The following PPDPFL variants were observed in gnomAD, a reference collection of about 807,000 sequenced individuals.
PPDPFL encodes pancreatic progenitor cell differentiation and proliferation factor-like protein.
In PPDPFL, 12 loss-of-function variants were observed where a neutral mutation model predicts 12.6. That is an observed-to-expected ratio of 0.95 (90% CI 0.61 to 1.54). The LOEUF is 1.54. Ranked by LOEUF, PPDPFL falls within the 40% of genes most tolerant of loss-of-function variation. The probability of loss-of-function intolerance (pLI) is 0.00; values close to 1 mark genes in which losing one functional copy is unlikely to be tolerated. For synonymous variants in PPDPFL, 24 were observed against 32.7 expected, an observed-to-expected ratio of 0.73 and a Z score of 0.91; for missense variants, 114 against 96.0, an observed-to-expected ratio of 1.19 and a Z score of -0.78.
At chr8:49,059,961 C>T (rs941634950) in intron 1 of PPDPFL, among the ~76,000 whole-genome samples, 1 of 152,058 alleles carries the variant, frequency 6.6e-6, no homozygotes, top group Admixed American at 6.6e-5. Flanking sequence ...CCATTCCGGG[C>T]TTTGGACCAT....
intron 1 of PPDPFL, among the ~76,000 whole-genome samples, chr8:49,063,714 A>G (rs1003959566): frequency 6.9e-6 from 1 of 145,464 alleles, no homozygotes; most frequent in Non-Finnish European, 1.5e-5. Context: ...TGAGACCCTG[A>G]AAAAAAAAAG....
At chr8:49,066,906 T>C (rs1808309242) in intron 1 of PPDPFL, among the ~76,000 whole-genome samples, 1 of 152,132 alleles carries the variant, frequency 6.6e-6, no homozygotes. Context: ...TTCATGTACC[T>C]GATGACCCCC....
intron 2 of PPDPFL, among the ~76,000 whole-genome samples, chr8:49,073,219 T>C (rs1808424632): frequency 6.6e-6 from 1 of 152,240 alleles, no homozygotes; most frequent in African/African-American, 2.4e-5. Context: ...ATTATTCAAC[T>C]CCTTAGAAAA....
upstream of PPDPFL, among the ~76,000 whole-genome samples, chr8:49,070,353 C>T (rs545903345): frequency 5.9e-5 from 9 of 152,282 alleles, no homozygotes; most frequent in South Asian, 1.9e-3. Flanking sequence ...CACGTGTTAC[C>T]TGTGTAACAA....
chr8:49,060,588 C>CAGCTGTG (rs1808184701), intron 1 of PPDPFL, among the ~76,000 whole-genome samples: 1 of 152,170 alleles, frequency 6.6e-6, no homozygotes, highest in Admixed American at 6.5e-5. Context: ...GCTGGGATTA[C>CAGCTGTG]AGCTGTGAGC....
chr8:49,056,765 T>C (rs563696196), intron 1 of PPDPFL, among the ~76,000 whole-genome samples: 1 of 152,214 alleles, frequency 6.6e-6, no homozygotes, highest in African/African-American at 2.4e-5. Context: ...ACTAATCATT[T>C]CAATCCCTAA....
chr8:49,058,614 A>G (rs1232673086), intron 1 of PPDPFL, among the ~76,000 whole-genome samples: 6 of 152,236 alleles, frequency 3.9e-5, no homozygotes, highest in East Asian at 1.9e-4. Flanking sequence ...GTTTAGACCA[A>G]TATTTTACAG....
chr8:49,073,696 T>G (rs1808434894), intron 2 of PPDPFL, among the ~76,000 whole-genome samples: 2 of 152,196 alleles, frequency 1.3e-5, no homozygotes, highest in Admixed American at 1.3e-4. Flanking sequence ...TCTGTAGAAC[T>G]TTAAATATAC....
At chr8:49,064,009 T>C (rs1250773779) in intron 1 of PPDPFL, among the ~76,000 whole-genome samples, 1 of 152,096 alleles carries the variant, frequency 6.6e-6, no homozygotes, top group Non-Finnish European at 1.5e-5. Flanking sequence ...GGAGGGTTGG[T>C]CATGCAGGCA....
chr8:49,072,993 A>G, intron 2 of PPDPFL, 108 bp downstream of exon 2: 1 of 997,432 alleles, frequency 1.0e-6, no homozygotes, highest in Non-Finnish European at 1.5e-6. Flanking sequence ...TAAGGGAGAG[A>G]ACTATTGGTG....
intron 1 of PPDPFL, among the ~76,000 whole-genome samples, chr8:49,066,864 G>A (rs571042001): frequency 5.3e-5 from 8 of 152,168 alleles, no homozygotes; most frequent in African/African-American, 1.7e-4. Flanking sequence ...AGTGGTTTGG[G>A]TGCACCTCCT....
chr8:49,069,721 G>T (rs933563674), upstream of PPDPFL, among the ~76,000 whole-genome samples: 1 of 152,186 alleles, frequency 6.6e-6, no homozygotes, highest in Non-Finnish European at 1.5e-5. Flanking sequence ...CAGATCACAA[G>T]GTCAGGAGCT....
At chr8:49,073,960 T>C (rs140788322) in intron 2 of PPDPFL, 99 bp from the exon 3 acceptor site, 2 of 778,434 alleles carry the variant, frequency 2.6e-6, no homozygotes, top group East Asian at 5.0e-5. Context: ...GAATAAATGA[T>C]TTCAAACCAT....
rs1449585955 is a variant in PPDPFL, at chr8:49,076,069, T to C, written c.*896T>C. 2.0e-5 allele frequency: 3 copies of C among 152,118 alleles called. No homozygotes were observed. Among genetic ancestry groups the C allele is most frequent in the Non-Finnish European group, 4.4e-5 (3 of 68,018 alleles). 9.4% of individuals were successfully genotyped at this position (152,118 alleles called of 1,614,324 possible). On this transcript the variant is annotated 3_prime_UTR_variant, in exon 5 of 5. Coordinates refer to ENST00000522267, the MANE Select transcript of PPDPFL (RefSeq NM_001256597.2). ...ACAAGTATTGTGCGTAATTAGAAAA[T>C]AATAAATGTTAATATAAAAAAGCAC...
chr8:49,073,439 A>G (rs1394987574), intron 2 of PPDPFL, among the ~76,000 whole-genome samples: 3 of 152,230 alleles, frequency 2.0e-5, no homozygotes, highest in African/African-American at 7.2e-5. Context: ...AGTAGTTATT[A>G]CAAGTATCTA....
At chr8:49,054,588 CTGA>C (rs1331869872) in intron 1 of PPDPFL, among the ~76,000 whole-genome samples, 4 of 151,966 alleles carry the variant, frequency 2.6e-5, no homozygotes, top group African/African-American at 7.3e-5. Context: ...TGCTCAGGGG[CTGA>C]TATTTCACAT....
intron 1 of PPDPFL, among the ~76,000 whole-genome samples, chr8:49,062,770 C>T (rs1240454328): frequency 1.3e-5 from 2 of 152,102 alleles, no homozygotes; most frequent in African/African-American, 4.8e-5. Flanking sequence ...CCAAGACGGA[C>T]CAGTGGTCTC....
At chr8:49,061,382 C>G (rs1808199795) in intron 1 of PPDPFL, among the ~76,000 whole-genome samples, 1 of 152,148 alleles carries the variant, frequency 6.6e-6, no homozygotes, top group South Asian at 2.1e-4. Flanking sequence ...TCATCTAGGA[C>G]TTCTCCTTCC....
intron 1 of PPDPFL, among the ~76,000 whole-genome samples, chr8:49,064,862 G>C (rs145163465): frequency 1.3e-5 from 2 of 152,190 alleles, no homozygotes; most frequent in South Asian, 4.2e-4. Context: ...TTTAAATTTC[G>C]ATCTGACATG....
Sources: allele counts gnomAD v4.1 joint callset (sites outside exome capture counted in the v4.1 genomes callset), GRCh38; gene constraint gnomAD v4.1.1; transcripts MANE v1.5; gene names NCBI Gene and HGNC (gene_info 2026-07-23, HGNC 2026-07-21).